VMP1: variants seen among roughly 807,000 people sequenced by gnomAD.
VMP1 encodes the protein ectopic P-granules autophagy protein 3 homolog.
VMP1 carries 11 observed loss-of-function variants against 56.0 expected under a neutral mutation model. The observed-to-expected ratio is 0.20, with a 90% CI of 0.12 to 0.32. The LOEUF (loss-of-function observed/expected upper bound fraction) is 0.32. Among genes scored for constraint, VMP1 ranks in the 10% least tolerant of loss-of-function variants. The pLI, the probability that VMP1 is intolerant of heterozygous loss-of-function variation, is 1.00. For missense variants in VMP1, 296 were observed against 490.3 expected (o/e 0.60, Z 3.74); for synonymous variants, 149 against 165.0 (o/e 0.90, Z 0.74).
At chr17:59,778,780 T>C (rs2036719589) in intron 7 of VMP1, among the ~76,000 whole-genome samples, 1 of 152,230 alleles carries the variant, frequency 6.6e-6, no homozygotes, top group Non-Finnish European at 1.5e-5. Context: ...TAACTTACAG[T>C]GGTTTGACTT....
Position 59,737,239 on chromosome 17 carries a change from G to T in VMP1, c.213-214G>T, listed in dbSNP as rs112426794. ...AGATCAGGCTTTGGGTAAGGAAAAG[G>T]CTACAGTGGGGGTTATGATAAGAAC... On this transcript the variant is annotated intron_variant, in intron 3 of 11. Transcript: ENST00000262291. 6.5e-3 allele frequency among the ~76,000 whole-genome samples: 994 copies of T among 152,164 alleles called. 14 individuals are homozygous for T. The highest frequency in any genetic ancestry group is 0.023 in the African/African-American group (955 of 41,516).
intron 7 of VMP1, among the ~76,000 whole-genome samples, chr17:59,794,563 A>G (rs2037368312): frequency 8.9e-6 from 1 of 111,774 alleles, no homozygotes; most frequent in African/African-American, 3.6e-5. Context: ...ACGAAAATCT[A>G]AGTAGGGAGA....
intron 10 of VMP1, among the ~76,000 whole-genome samples, chr17:59,823,187 C>T (rs573391489): frequency 1.3e-4 from 20 of 152,290 alleles, no homozygotes; most frequent in South Asian, 6.2e-4. Flanking sequence ...TGGTGGCTGA[C>T]GCCTGCAATC....
At chr17:59,827,638 T>G (rs2038684226) in intron 10 of VMP1, among the ~76,000 whole-genome samples, 1 of 152,062 alleles carries the variant, frequency 6.6e-6, no homozygotes, top group Non-Finnish European at 1.5e-5. Context: ...TCAGTGAGTC[T>G]TCAAACCAGT....
Position 59,791,008 on chromosome 17 carries a change from T to G in VMP1, c.714+17123T>G, listed in dbSNP as rs146843169. Among the ~76,000 whole-genome samples the G allele has an allele frequency of 3.8e-3, 575 of 152,206 alleles. 8 individuals carry two copies. Among genetic ancestry groups the G allele is most frequent in the Middle Eastern group, 6.8e-3 (2 of 294 alleles). The stretch of plus-strand genomic sequence containing the variant: ...TGGATCTTTATCTAATCCTTTTATA[T>G]CTCTCCTAGCATGAAATCATAACTT... On this transcript the variant is annotated intron_variant, in intron 7 of 11. Coordinates refer to ENST00000262291, the MANE Select transcript of VMP1 (RefSeq NM_030938.5).
chr17:59,748,256 A>G (rs2035510662), intron 5 of VMP1, among the ~76,000 whole-genome samples: 1 of 152,072 alleles, frequency 6.6e-6, no homozygotes, highest in African/African-American at 2.4e-5. Flanking sequence ...TACATGGAGG[A>G]CATAACTCCT....
intron 7 of VMP1, among the ~76,000 whole-genome samples, chr17:59,795,128 A>G (rs1354203146): frequency 2.0e-5 from 3 of 150,318 alleles, no homozygotes; most frequent in Non-Finnish European, 4.4e-5. Context: ...GGCATGCGCC[A>G]CCACGCCCAG....
chr17:59,821,539 CTTTTTTT>C (rs530907168), intron 10 of VMP1, among the ~76,000 whole-genome samples: 16,243 of 105,098 alleles, frequency 0.15, 1,061 homozygotes, highest in African/African-American at 0.29. Flanking sequence ...AGCTACTTTT[CTTTTTTT>C]TTTTTTTTTT....
intron 7 of VMP1, among the ~76,000 whole-genome samples, chr17:59,798,046 T>C (rs1436700856): frequency 6.6e-6 from 1 of 152,222 alleles, no homozygotes; most frequent in East Asian, 1.9e-4. Context: ...TGTATCTGGA[T>C]CTCAGTAGTG....
At chr17:59,760,492 C>T (rs2036009868) in intron 5 of VMP1, among the ~76,000 whole-genome samples, 1 of 152,034 alleles carries the variant, frequency 6.6e-6, no homozygotes, top group Non-Finnish European at 1.5e-5. Context: ...ACCTATTTTT[C>T]CCTGTAGATG....
chr17:59,725,081 T>G (rs1217457787), intron 1 of VMP1, among the ~76,000 whole-genome samples: 1 of 150,104 alleles, frequency 6.7e-6, no homozygotes, highest in Non-Finnish European at 1.5e-5. Flanking sequence ...CACTTGAACC[T>G]GGGAAGCAGA....
At position 59,707,699 on chromosome 17, in the gene VMP1, A is replaced by AGGAGCAGCTTCCAGGATCCTGAGATCC. The variant is rs1244809928; in HGVS notation, c.-67_-41dup. On this transcript the variant is annotated 5_prime_UTR_variant, in exon 1 of 12. Coordinates refer to ENST00000262291, the MANE Select transcript of VMP1 (RefSeq NM_030938.5). ...CCAGCGGCGGGTGTGAGAGTCCGTA[A>AGGAGCAGCTTCCAGGATCCTGAGATCC]GGAGCAGCTTCCAGGATCCTGAGAT... 2 of 152,342 alleles carry AGGAGCAGCTTCCAGGATCCTGAGATCC rather than the reference A, an allele frequency of 1.3e-5. No homozygotes were observed. Among genetic ancestry groups the AGGAGCAGCTTCCAGGATCCTGAGATCC allele is most frequent in the Admixed American group, 1.3e-4 (2 of 15,282 alleles). 9.4% of individuals were successfully genotyped at this position (152,342 alleles called of 1,614,324 possible).
chr17:59,754,390 T>C (rs1019755155), intron 5 of VMP1, among the ~76,000 whole-genome samples: 2 of 152,180 alleles, frequency 1.3e-5, no homozygotes, highest in African/African-American at 4.8e-5. Flanking sequence ...TTTGGAAAAC[T>C]GCATTCATAT....
chr17:59,832,917 G>A (rs1455286414), intron 10 of VMP1, among the ~76,000 whole-genome samples: 1 of 151,964 alleles, frequency 6.6e-6, no homozygotes, highest in Middle Eastern at 3.4e-3. Flanking sequence ...GGCCGAAATG[G>A]TAATTCTTTG....
In VMP1 at chr17:59,754,684, C is replaced by T. The variant is rs998316617; in HGVS notation, c.415-10287C>T. ...GTGCTGTTTCAGGAAGACCAACAGA[C>T]CCTTCTTAGAAAAAAATCTATTTGC... On this transcript the variant is annotated intron_variant, in intron 5 of 11. Transcript: ENST00000262291. Among the ~76,000 whole-genome samples the T allele has an allele frequency of 3.3e-5, 5 of 152,096 alleles. No homozygotes were observed. The East Asian group carries it at 7.7e-4, about 23-fold the overall frequency.
At chr17:59,743,915 G>T (rs1409131308) in intron 5 of VMP1, among the ~76,000 whole-genome samples, 1 of 151,892 alleles carries the variant, frequency 6.6e-6, no homozygotes, top group Non-Finnish European at 1.5e-5. Context: ...GCATTGGTTA[G>T]GTTTTCAAAA....
At chr17:59,800,326 G>GA (rs1158628183) in intron 7 of VMP1, among the ~76,000 whole-genome samples, 2 of 152,088 alleles carry the variant, frequency 1.3e-5, no homozygotes, top group South Asian at 4.1e-4. Context: ...CTACTATGCT[G>GA]AAAAAACTTA....
intron 1 of VMP1, among the ~76,000 whole-genome samples, chr17:59,723,311 T>C (rs2143758270): frequency 6.6e-6 from 1 of 152,206 alleles, no homozygotes; most frequent in East Asian, 1.9e-4. Context: ...ATAGGTGACA[T>C]CATTAGGGAG....
chr17:59,833,461 C>A (rs1376359872), intron 10 of VMP1, among the ~76,000 whole-genome samples: 1 of 151,944 alleles, frequency 6.6e-6, no homozygotes, highest in African/African-American at 2.4e-5. Flanking sequence ...TGAGACCCAC[C>A]TGGGCAACAT....
Sources: gnomAD v4.1 joint callset for allele counts (sites outside exome capture counted in the v4.1 genomes callset) on GRCh38, gnomAD v4.1.1 for gene constraint, MANE v1.5 for transcripts, NCBI Gene and HGNC (gene_info 2026-07-23, HGNC 2026-07-21) for gene names.